LRRC8A: variants seen among roughly 807,000 people sequenced by gnomAD.
The protein encoded by LRRC8A is leucine rich repeat containing 8 VRAC subunit A, also known as volume-regulated anion channel subunit LRRC8A.
In LRRC8A, 24 loss-of-function variants were observed where a neutral mutation model predicts 52.5. The ratio of observed to expected loss-of-function variants is 0.46; its 90% CI spans 0.33 to 0.64. LRRC8A has a LOEUF of 0.64. LRRC8A is among the 30% of genes least tolerant of loss of function. LRRC8A has a pLI of 0.02. For synonymous variants in LRRC8A, 492 were observed against 494.2 expected (o/e 1.00, Z 0.06); for missense variants, 677 against 1,094.7 (o/e 0.62, Z 5.38).
At chr9:128,915,557 C>A (rs933581351) in intron 3 of LRRC8A, among the ~76,000 whole-genome samples, 5 of 152,162 alleles carry the variant, frequency 3.3e-5, no homozygotes, top group African/African-American at 1.2e-4. Flanking sequence ...GATCTCCTGA[C>A]CTCGTGATCC....
At chr9:128,909,621 T>G (rs1588224273) in intron 3 of LRRC8A, among the ~76,000 whole-genome samples, 1 of 152,200 alleles carries the variant, frequency 6.6e-6, no homozygotes, top group Non-Finnish European at 1.5e-5. Flanking sequence ...TCCCCCAAGG[T>G]GACCTTGAGC....
chr9:128,907,758 A>G lies in LRRC8A; in HGVS notation c.594A>G (p.Ser198=), dbSNP rs1323013502. The G allele has an allele frequency of 3.1e-6, 5 of 1,613,834 alleles. No individual in the cohort carries two copies. Among genetic ancestry groups the G allele is most frequent in the Admixed American group, 1.7e-5 (1 of 59,978 alleles). ...TGAATGGGTCCATGGACAAAAAGTC[A>G]TCGACCGTCAGTGAGGACGTGGAGG... ...SKMNGSMDKK[S]STVSEDVEAT... Residue 198 remains serine (S), a synonymous_variant, in exon 3 of 4, where the codon TCA becomes TCG. Coordinates refer to ENST00000372600, the MANE Select transcript of LRRC8A (RefSeq NM_019594.4). The surrounding 1 kb of genome is among the most constrained non-coding windows in gnomAD (Gnocchi z 9.3).
At chr9:128,903,491 C>A (rs1840110957) in intron 2 of LRRC8A, among the ~76,000 whole-genome samples, 1 of 150,956 alleles carries the variant, frequency 6.6e-6, no homozygotes, top group Admixed American at 6.6e-5. Flanking sequence ...CGGCTCACTG[C>A]AAGCTCCACT....
At chr9:128,884,523 A>G (rs1213554601) in intron 1 of LRRC8A, among the ~76,000 whole-genome samples, 1 of 152,216 alleles carries the variant, frequency 6.6e-6, no homozygotes, top group East Asian at 1.9e-4. Context: ...ACCAGAAGAC[A>G]CATAAGTTCT....
rs996405858 is a variant in LRRC8A at position 128,899,758 on chromosome 9, G to A, written c.-8-7399G>A. On this transcript the variant is annotated intron_variant, in intron 2 of 3. Coordinates refer to ENST00000372600, the MANE Select transcript of LRRC8A (RefSeq NM_019594.4). The surrounding 1 kb of genome is among the most constrained non-coding windows in gnomAD (Gnocchi z 4.0). ...GGAGGCGGTGGGAGGAAGGGGTGTCGTGTTTAAGGGGTGTGGGTTTCAGTT... is the reference window on the plus strand; with the variant it reads ...GGAGGCGGTGGGAGGAAGGGGTGTCATGTTTAAGGGGTGTGGGTTTCAGTT... Among the ~76,000 whole-genome samples the A allele has an allele frequency of 6.6e-6, 1 of 152,156 alleles. No homozygotes were observed.
chr9:128,890,130 T>TTGTGTGTGTGTGTGTGTGTGTG lies in LRRC8A; in HGVS notation c.-9+4028_-9+4049dup, dbSNP rs57721007. On this transcript the variant is annotated intron_variant, in intron 2 of 3. Transcript: ENST00000372600. The stretch of plus-strand genomic sequence containing the variant: ...ACAGTTGTTTTTTAGTGGCTTCATT[T>TTGTGTGTGTGTGTGTGTGTGTG]TGTGTGTGTGTGTGTGTGTGTGTGT... Among the ~76,000 whole-genome samples, 156 of 128,302 alleles carry TTGTGTGTGTGTGTGTGTGTGTG rather than the reference T, an allele frequency of 1.2e-3. 2 individuals are homozygous for TTGTGTGTGTGTGTGTGTGTGTG. Among genetic ancestry groups the TTGTGTGTGTGTGTGTGTGTGTG allele is most frequent in the Admixed American group, 3.0e-3 (34 of 11,506 alleles). 84.2% of individuals were successfully genotyped at this position (128,302 alleles called of 152,430 possible).
Position 128,913,495 on chromosome 9 carries a change from G to C in LRRC8A, c.2158-2601G>C, listed in dbSNP as rs142611653. Among the ~76,000 whole-genome samples the C allele has an allele frequency of 2.1e-3, 324 of 152,274 alleles. 4 individuals are homozygous for C. The highest frequency in any genetic ancestry group is 7.0e-3 in the African/African-American group (289 of 41,546). On this transcript the variant is annotated intron_variant, in intron 3 of 3. Coordinates refer to ENST00000372600, the MANE Select transcript of LRRC8A (RefSeq NM_019594.4). ...TCCGACAATCCAGCAGAGAAGGATC[G>C]GTCCAGAGGATGGGTGTGGCTGTGG...
intron 3 of LRRC8A, among the ~76,000 whole-genome samples, chr9:128,913,678 A>G (rs1377819871): frequency 1.3e-5 from 2 of 152,164 alleles, no homozygotes; most frequent in Non-Finnish European, 2.9e-5. Context: ...CTCGCTGTCC[A>G]GAGCTTTCCC....
chr9:128,898,526 A>G (rs1839909913), intron 2 of LRRC8A, among the ~76,000 whole-genome samples: 1 of 152,222 alleles, frequency 6.6e-6, no homozygotes, highest in African/African-American at 2.4e-5. Flanking sequence ...TCCTGAAGTC[A>G]GGGTTGCTCT....
intron 2 of LRRC8A, among the ~76,000 whole-genome samples, chr9:128,900,813 A>G (rs1839996043): frequency 6.6e-6 from 1 of 152,212 alleles, no homozygotes; most frequent in South Asian, 2.1e-4. Flanking sequence ...GGATCACTCA[A>G]GTTCAGGCGT....
chr9:128,887,889 G>A (rs1289608914), intron 2 of LRRC8A, among the ~76,000 whole-genome samples: 5 of 152,032 alleles, frequency 3.3e-5, no homozygotes, highest in African/African-American at 4.8e-5. Context: ...GTGATCCGCC[G>A]CCTTGGCCTC....
intron 2 of LRRC8A, among the ~76,000 whole-genome samples, chr9:128,887,790 C>T (rs1051713202): frequency 8.5e-5 from 13 of 152,152 alleles, no homozygotes; most frequent in South Asian, 8.3e-4. Context: ...TACAGGCGCC[C>T]GCCACCACGC....
rs866831717 is a variant in LRRC8A, at chr9:128,892,230, G to T, written c.-9+6109G>T. Reference sequence around the variant, plus strand: ...AGGACATACTGGGCACTTAGTTGACGGTCAGTAACTGGGCGCTCCTGCCCC... The same window carrying T: ...AGGACATACTGGGCACTTAGTTGACTGTCAGTAACTGGGCGCTCCTGCCCC... On this transcript the variant is annotated intron_variant, in intron 2 of 3. Transcript: ENST00000372600. The surrounding 1 kb of genome is among the most constrained non-coding windows in gnomAD (Gnocchi z 5.2). Among the ~76,000 whole-genome samples the T allele has an allele frequency of 1.3e-5, 2 of 152,286 alleles. No individual in the cohort carries two copies. The highest frequency in any genetic ancestry group is 6.5e-5 in the Admixed American group (1 of 15,298).
intron 2 of LRRC8A, among the ~76,000 whole-genome samples, chr9:128,903,233 G>A (rs1364763793): frequency 6.6e-6 from 1 of 152,088 alleles, no homozygotes; most frequent in African/African-American, 2.4e-5. Flanking sequence ...GGCCTGCCTG[G>A]TGCCTGGCAC....
Position 128,916,024 on chromosome 9 carries a change from G to C in LRRC8A, c.2158-72G>C. 1 of 1,506,006 alleles carries C rather than the reference G, an allele frequency of 6.6e-7. No homozygotes were observed. Among genetic ancestry groups the C allele is most frequent in the Non-Finnish European group, 9.0e-7 (1 of 1,113,436 alleles). The allele number at this position is 1,506,006 out of a possible 1,614,324, so 93.3% of individuals were successfully genotyped here. On this transcript the variant is annotated intron_variant, in intron 3 of 3. Transcript: ENST00000372600. The surrounding 1 kb of genome is among the most constrained non-coding windows in gnomAD (Gnocchi z 6.1). ...AAGATGCTGAGATCTTGGGGAGAGA[G>C]GGAAGGGAAGCCCAGAGGCCCCGTC...
intron 2 of LRRC8A, among the ~76,000 whole-genome samples, chr9:128,898,735 C>T (rs966834496): frequency 4.6e-5 from 7 of 152,256 alleles, no homozygotes; most frequent in Non-Finnish European, 8.8e-5. Flanking sequence ...ACCTGCCCAA[C>T]ATCACAAGTA....
At position 128,908,006 on chromosome 9, in the gene LRRC8A, A is replaced by G; in HGVS notation, c.842A>G (p.Tyr281Cys). Residue 281 changes from tyrosine (Y) to cysteine (C), a missense_variant, in exon 3 of 4, where the codon TAC (tyrosine) becomes TGC (cysteine). Tyr to Cys is a radical substitution (Grantham distance 194). Around this residue, in one of 4 missense-constraint regions of LRRC8A, gnomAD observed 422 missense variants for 741.5 expected, o/e 0.57. Transcript: ENST00000372600. ...KVIKFILIIC[Y>C]TVYYVHNIKF... ...ATCAAGTTCATCCTCATCATCTGCT[A>G]CACCGTCTACTACGTGCACAACATC... 1 of 1,614,108 alleles carries G rather than the reference A, an allele frequency of 6.2e-7. No homozygotes were observed. The highest frequency in any genetic ancestry group is 8.5e-7 in the Non-Finnish European group (1 of 1,180,028).
chr9:128,885,502 G>A (rs568901271), intron 1 of LRRC8A: 2 of 152,246 alleles, frequency 1.3e-5, no homozygotes, highest in South Asian at 4.1e-4. Context: ...ACTAGTCTGG[G>A]TCTAGTGCTT....
intron 2 of LRRC8A, among the ~76,000 whole-genome samples, chr9:128,890,223 G>A (rs10115869): frequency 0.031 from 4,627 of 150,306 alleles, 116 homozygotes; most frequent in East Asian, 0.11. Context: ...TGGGGCTGAG[G>A]TTTCTAGAAG....
Sources: allele counts gnomAD v4.1 joint callset (sites outside exome capture counted in the v4.1 genomes callset), GRCh38; gene constraint gnomAD v4.1.1; regional missense constraint gnomAD v4.1.1; non-coding constraint Gnocchi (gnomAD v3.1); transcripts MANE v1.5; gene names NCBI Gene and HGNC (gene_info 2026-07-23, HGNC 2026-07-21).